PKP4: variants seen among roughly 807,000 people sequenced by gnomAD.
PKP4 encodes the protein plakophilin-4.
Under a neutral mutation model 145.1 loss-of-function variants are expected in PKP4, and 90 were observed. The ratio of observed to expected loss-of-function variants is 0.62; its 90% confidence interval spans 0.52 to 0.74. The LOEUF is 0.74. Ranked by LOEUF, PKP4 falls within the 30% of genes least tolerant of loss-of-function variation. PKP4 has a pLI of 0.00. For missense variants in PKP4, 1,340 were observed against 1,482.7 expected, an observed-to-expected ratio of 0.90 and a Z score of 1.58; for synonymous variants, 563 against 577.2, an observed-to-expected ratio of 0.98 and a Z score of 0.35.
chr2:158,466,389 C>T lies in PKP4; in HGVS notation c.-6+9171C>T, dbSNP rs151240942. Among the ~76,000 whole-genome samples the T allele has an allele frequency of 3.0e-3, 461 of 152,196 alleles. 1 individual carries two copies. The highest frequency in any genetic ancestry group is 6.3e-3 in the Admixed American group (97 of 15,286). On this transcript the variant is annotated intron_variant, in intron 1 of 21. Transcript: ENST00000389759. The stretch of plus-strand genomic sequence containing the variant: ...CTTGCTAGATAAATAATTCATTATA[C>T]CAAATTCCTTAGTAAAGAAATTAAC...
intron 2 of PKP4, chr2:158,549,116 T>G: frequency 5.0e-6 from 1 of 201,428 alleles, no homozygotes; most frequent in South Asian, 1.0e-4. Context: ...ATAGATATGA[T>G]GAGATCCGCC....
chr2:158,560,777 T>TA (rs1262629262), intron 2 of PKP4, among the ~76,000 whole-genome samples: 1 of 152,228 alleles, frequency 6.6e-6, no homozygotes, highest in Admixed American at 6.5e-5. Flanking sequence ...TCCTCTGATG[T>TA]GGTTGTTACT....
chr2:158,579,494 T>C (rs1574592843), intron 3 of PKP4, among the ~76,000 whole-genome samples: 1 of 148,774 alleles, frequency 6.7e-6, no homozygotes, highest in African/African-American at 2.5e-5. Flanking sequence ...AACTTGACCA[T>C]GAGTGAGAGA....
intron 1 of PKP4, among the ~76,000 whole-genome samples, chr2:158,496,790 G>GTGTGTGTGTGTGTGTC (rs146738816): frequency 6.7e-6 from 1 of 149,954 alleles, no homozygotes; most frequent in African/African-American, 2.4e-5. Flanking sequence ...GTGTGTGTGT[G>GTGTGTGTGTGTGTGTC]TGTGTCTGTG....
intron 1 of PKP4, among the ~76,000 whole-genome samples, chr2:158,531,091 T>G (rs967693666): frequency 6.6e-6 from 1 of 152,146 alleles, no homozygotes; most frequent in Non-Finnish European, 1.5e-5. Flanking sequence ...TCATTGGTCC[T>G]GGGAAGCAGG....
intron 2 of PKP4, among the ~76,000 whole-genome samples, chr2:158,542,054 T>G: frequency 6.6e-6 from 1 of 152,146 alleles, no homozygotes; most frequent in Non-Finnish European, 1.5e-5. Context: ...TTGAAAATAC[T>G]TCTGTTAATT....
chr2:158,528,190 A>G (rs889988174), intron 1 of PKP4, among the ~76,000 whole-genome samples: 9 of 143,544 alleles, frequency 6.3e-5, no homozygotes, highest in South Asian at 2.3e-4. Context: ...ATGCACACGT[A>G]TGTTTATTGC....
chr2:158,467,748 G>C (rs1442017362), intron 1 of PKP4, among the ~76,000 whole-genome samples: 1 of 152,182 alleles, frequency 6.6e-6, no homozygotes, highest in Non-Finnish European at 1.5e-5. Context: ...TTGGGAAGCT[G>C]AGGTAGAAGG....
chr2:158,463,463 A>C (rs575540949), intron 1 of PKP4, among the ~76,000 whole-genome samples: 6 of 152,186 alleles, frequency 3.9e-5, no homozygotes, highest in African/African-American at 1.2e-4. Flanking sequence ...TCCCAAATCA[A>C]GAAAGGCTAG....
At chr2:158,484,268 C>T (rs1304120858) in intron 1 of PKP4, among the ~76,000 whole-genome samples, 4 of 151,812 alleles carry the variant, frequency 2.6e-5, no homozygotes, top group Admixed American at 1.3e-4. Context: ...AGGATGGTCT[C>T]GATCTCCTGA....
intron 2 of PKP4, among the ~76,000 whole-genome samples, chr2:158,547,207 A>G (rs2105686133): frequency 6.6e-6 from 1 of 152,334 alleles, no homozygotes; most frequent in Admixed American, 6.5e-5. Flanking sequence ...AAGTATGTCC[A>G]CACAAAAACT....
rs58577988 is a variant in PKP4, at chr2:158,468,770, CTTTTT to C, written c.-6+11567_-6+11571del. ...TTAGACATTTTCTTTTCTTCTTCTT[CTTTTT>C]TTTTTTTTTTTTTTGAGACAGGGTC... On this transcript the variant is annotated intron_variant, in intron 1 of 21. Coordinates refer to ENST00000389759, the MANE Select transcript of PKP4 (RefSeq NM_003628.6). Among the ~76,000 whole-genome samples, 592 of 109,972 alleles carry C rather than the reference CTTTTT, an allele frequency of 5.4e-3. 2 individuals are homozygous for C. Among genetic ancestry groups the C allele is most frequent in the Middle Eastern group, 0.013 (2 of 150 alleles). 72.1% of individuals were successfully genotyped at this position (109,972 alleles called of 152,430 possible). A position where few individuals can be genotyped will look rare whatever the true frequency, so the allele number is the denominator to read the frequency against.
intron 1 of PKP4, among the ~76,000 whole-genome samples, chr2:158,530,964 G>A (rs1381262994): frequency 6.6e-6 from 1 of 151,956 alleles, no homozygotes; most frequent in Non-Finnish European, 1.5e-5. Context: ...TTACTCCTTT[G>A]CATTTACATC....
Position 158,550,857 on chromosome 2 carries a change from G to A in PKP4, c.132+17541G>A, listed in dbSNP as rs372622086. On this transcript the variant is annotated intron_variant, in intron 2 of 21. Transcript: ENST00000389759. ...ATAATTTGAGAGAAAGCTTATAAAT[G>A]TCTGGGAAACAAATGTGGTGCCCTT... Among the ~76,000 whole-genome samples, 23 of 152,350 alleles carry A rather than the reference G, an allele frequency of 1.5e-4. No individual in the cohort carries two copies. The East Asian group carries it at 2.5e-3, about 17-fold the overall frequency.
intron 1 of PKP4, among the ~76,000 whole-genome samples, chr2:158,465,507 A>G (rs1168259145): frequency 6.6e-6 from 1 of 152,138 alleles, no homozygotes; most frequent in Admixed American, 6.5e-5. Flanking sequence ...AAGACCTGCC[A>G]TTTTATTACA....
At chr2:158,542,147 C>T (rs937709914) in intron 2 of PKP4, among the ~76,000 whole-genome samples, 2 of 152,076 alleles carry the variant, frequency 1.3e-5, no homozygotes, top group Admixed American at 1.3e-4. Context: ...CCTTATACAC[C>T]CCATGGTTTA....
rs1037962451 is a variant in PKP4 at position 158,614,863 on chromosome 2, C to G, written c.281-6127C>G. On this transcript the variant is annotated intron_variant, in intron 4 of 21. Transcript: ENST00000389759. ...GTCAAGTCTGAAAACCCTTCTTTTT[C>G]TATTACCACCTCCTCAAAACACAGA... 3.9e-5 allele frequency among the ~76,000 whole-genome samples: 6 copies of G among 151,982 alleles called. No homozygotes were observed. The East Asian group carries it at 7.7e-4, about 20-fold the overall frequency.
intron 2 of PKP4, among the ~76,000 whole-genome samples, chr2:158,534,181 T>C (rs897775258): frequency 5.3e-5 from 8 of 152,194 alleles, no homozygotes; most frequent in Non-Finnish European, 1.5e-5. Context: ...GATATTCCTT[T>C]GAAAGTCAGT....
intron 11 of PKP4, among the ~76,000 whole-genome samples, chr2:158,656,169 T>C (rs1397690240): frequency 2.0e-5 from 3 of 152,194 alleles, no homozygotes; most frequent in African/African-American, 7.2e-5. Context: ...CGACCAATTC[T>C]TCCTCAGTTC....
Sources: gnomAD v4.1 joint callset for allele counts (sites outside exome capture counted in the v4.1 genomes callset) on GRCh38, gnomAD v4.1.1 for gene constraint, MANE v1.5 for transcripts, NCBI Gene and HGNC (gene_info 2026-07-23, HGNC 2026-07-21) for gene names.